The following USP53 variants were observed in gnomAD, a reference collection of about 807,000 sequenced individuals.
The protein encoded by USP53 is ubiquitin carboxyl-terminal hydrolase 53.
In USP53, 71 loss-of-function variants were observed where a neutral mutation model predicts 94.9. The ratio of observed to expected loss-of-function variants is 0.75; its 90% CI spans 0.62 to 0.91. The LOEUF (loss-of-function observed/expected upper bound fraction) is 0.91, where lower values mean the gene tolerates loss of function less well. Ranked by LOEUF, USP53 falls within the 40% of genes least tolerant of loss-of-function variation. The pLI is 0.00. For synonymous variants in USP53, 375 were observed against 422.7 expected (o/e 0.89, Z 1.39); for missense variants, 1,173 against 1,281.0 (o/e 0.92, Z 1.29).
chr4:119,226,996 C>T lies in USP53; in HGVS notation c.-664-8294C>T, dbSNP rs536527067. On this transcript the variant is annotated intron_variant, in intron 3 of 18. Transcript: ENST00000692078. ...CTATATAGGCATGTGCCACCATGCC[C>T]AGCTAATTTTTGTACTTTTGTAGAT... Among the ~76,000 whole-genome samples the T allele has an allele frequency of 1.8e-4, 28 of 151,834 alleles. No individual in the cohort carries two copies. In the East Asian group the frequency reaches 5.2e-3, roughly 28 times the overall value.
intron 7 of USP53, among the ~76,000 whole-genome samples, chr4:119,250,215 C>T (rs1203531926): frequency 6.6e-6 from 1 of 152,066 alleles, no homozygotes; most frequent in Non-Finnish European, 1.5e-5. Context: ...GTTCTACTAG[C>T]AGCCTTTGCT....
At chr4:119,273,757 G>C in intron 17 of USP53, 49 bp downstream of exon 17, 2 of 1,449,158 alleles carry the variant, frequency 1.4e-6, no homozygotes, top group Non-Finnish European at 1.9e-6. Context: ...ATGAATTATA[G>C]TAATTTATTG....
intron 16 of USP53, 37 bp from the exon 17 acceptor site, chr4:119,273,595 A>T: frequency 1.3e-6 from 2 of 1,536,324 alleles, no homozygotes; most frequent in Non-Finnish European, 1.8e-6. Context: ...GGCAGTCCAT[A>T]ATACCTGATG....
At chr4:119,282,508 G>A (rs1753619813) in intron 17 of USP53, among the ~76,000 whole-genome samples, 1 of 151,976 alleles carries the variant, frequency 6.6e-6, no homozygotes, top group Admixed American at 6.6e-5. Context: ...GTATCATATT[G>A]TGGTTTTGTG....
chr4:119,252,606 A>G lies in USP53; in HGVS notation c.373-3640A>G, dbSNP rs568720044. 2.6e-5 allele frequency among the ~76,000 whole-genome samples: 4 copies of G among 152,048 alleles called. No individual in the cohort carries two copies. The East Asian group carries it at 7.7e-4, about 29-fold the overall frequency. Reference sequence around the variant, plus strand: ...CCCTTTATGATTTTTTATTGCATTTATTTGATTCTGCTCTCTTTTCTTCTT... The same window carrying G: ...CCCTTTATGATTTTTTATTGCATTTGTTTGATTCTGCTCTCTTTTCTTCTT... On this transcript the variant is annotated intron_variant, in intron 7 of 18. Coordinates refer to ENST00000692078, the MANE Select transcript of USP53 (RefSeq NM_001371395.1).
chr4:119,273,636 C>T lies in USP53; in HGVS notation c.2179C>T (p.Gln727Ter). 1 of 1,612,044 alleles carries T rather than the reference C, an allele frequency of 6.2e-7. No homozygotes were observed. The highest frequency in any genetic ancestry group is 2.2e-5 in the East Asian group (1 of 44,728). ...GVKETVCFSD[Q>*]ITTSNLNKER... is the part of the protein sequence containing the mutation. ...AGTGTGTATTTTATTTTCTAGTGAC[C>T]AGATTACGACAAGCAACCTAAATAA... Residue 727 changes from glutamine to a stop codon, truncating the protein, a stop_gained, in exon 17 of 19, where the codon CAG (glutamine) becomes TAG (stop). Transcript: ENST00000692078. LOFTEE classifies it high-confidence loss of function.
intron 17 of USP53, among the ~76,000 whole-genome samples, chr4:119,279,463 G>C (rs187392552): frequency 0.21 from 31,106 of 147,764 alleles, 3,648 homozygotes; most frequent in South Asian, 0.3. Context: ...CCGGTTCTCA[G>C]ATCTCCAGCT....
intron 9 of USP53, among the ~76,000 whole-genome samples, chr4:119,258,074 A>G (rs951350164): frequency 2.0e-5 from 3 of 152,146 alleles, no homozygotes; most frequent in African/African-American, 4.8e-5. Flanking sequence ...AATGCTTACC[A>G]TGTTCCAGGC....
chr4:119,259,295 A>AGGG (rs965171704), intron 9 of USP53, among the ~76,000 whole-genome samples: 24 of 133,596 alleles, frequency 1.8e-4, no homozygotes, highest in African/African-American at 3.1e-4. Flanking sequence ...AAAAAAAAAA[A>AGGG]GGGGGGGGAG....
chr4:119,245,410 G>A lies in USP53; in HGVS notation c.218G>A (p.Cys73Tyr), dbSNP rs1223363745. The change falls in exon 6 of 19, where the codon TGT becomes TAT. Residue 73 changes from cysteine to tyrosine, a missense_variant. Cys to Tyr is a radical substitution (Grantham distance 194). Transcript: ENST00000692078. ...LTGHVCQGDA[C>Y]IFCALKTIFA... ...GGACATGTTTGTCAGGGAGATGCCT[G>A]TATATTTTGTGCATTGAAGGTAACC... 1.2e-6 allele frequency: 2 copies of A among 1,613,684 alleles called. No individual in the cohort carries two copies. Among genetic ancestry groups the A allele is most frequent in the East Asian group, 2.2e-5 (1 of 44,840 alleles).
At chr4:119,250,400 A>G (rs181558138) in intron 7 of USP53, among the ~76,000 whole-genome samples, 23 of 152,344 alleles carry the variant, frequency 1.5e-4, no homozygotes, top group Non-Finnish European at 2.1e-4. Context: ...AAAAATGAGC[A>G]TCTTCATGGT....
chr4:119,263,047 A>G (rs1049066759), intron 12 of USP53, among the ~76,000 whole-genome samples: 2 of 152,232 alleles, frequency 1.3e-5, no homozygotes, highest in Non-Finnish European at 2.9e-5. Context: ...TAAGCAAATG[A>G]TGTAGAATTC....
At position 119,292,650 on chromosome 4, in the gene USP53, T is replaced by C. The variant is rs1318431688; in HGVS notation, c.2661T>C (p.Asp887=). 6.2e-7 allele frequency: 1 copy of C among 1,614,118 alleles called. No individual in the cohort carries two copies. Among genetic ancestry groups the C allele is most frequent in the Admixed American group, 1.7e-5 (1 of 60,018 alleles). The part of the protein sequence containing the change: ...APLIQQQNIM[D]QCYFENSLST... ...TCATCCAGCAACAAAATATCATGGA[T>C]CAATGTTACTTTGAGAACTCTCTAT... Residue 887 remains aspartate (D), a synonymous_variant, in exon 19 of 19, where the codon GAT becomes GAC. Coordinates refer to ENST00000692078, the MANE Select transcript of USP53 (RefSeq NM_001371395.1).
At chr4:119,244,106 A>G (rs1329357837) in intron 5 of USP53, among the ~76,000 whole-genome samples, 1 of 152,196 alleles carries the variant, frequency 6.6e-6, no homozygotes, top group East Asian at 1.9e-4. Flanking sequence ...TCAGTGGTAC[A>G]TTGCTTCTAA....
At chr4:119,268,152 C>T (rs1202825684) in intron 13 of USP53, 116 bp from the exon 14 acceptor site, 38 of 1,020,104 alleles carry the variant, frequency 3.7e-5, no homozygotes, top group African/African-American at 5.6e-5. Flanking sequence ...CCGGCCTGGG[C>T]GACAGAGCGA....
chr4:119,215,478 C>A (rs930961842), intron 2 of USP53, among the ~76,000 whole-genome samples: 3 of 152,000 alleles, frequency 2.0e-5, no homozygotes, highest in African/African-American at 7.3e-5. Context: ...AATATTTAGG[C>A]AAATAATATT....
chr4:119,267,384 TG>T lies in USP53; in HGVS notation c.1038del (p.Leu346PhefsTer39). On this transcript the variant is annotated frameshift_variant, in exon 13 of 19. Transcript: ENST00000692078. LOFTEE classifies it high-confidence loss of function. ...CGATGCCACTTTCAGCCACTACTTT[TG>T]TTTTATGCAAACCCAGATGGCACAG... is the stretch of plus-strand genomic sequence containing the variant. ...CIRCHFQPLL[L>X]FYANPDGTAV... 1.2e-6 allele frequency: 2 copies of T among 1,614,186 alleles called. No homozygotes were observed. Among genetic ancestry groups the T allele is most frequent in the Non-Finnish European group, 1.7e-6 (2 of 1,180,018 alleles).
intron 2 of USP53, among the ~76,000 whole-genome samples, chr4:119,215,025 A>G (rs1222980175): frequency 6.6e-6 from 1 of 152,180 alleles, no homozygotes; most frequent in East Asian, 1.9e-4. Flanking sequence ...CTTTAACTGT[A>G]AGGTATTTCT....
chr4:119,214,054 T>C lies in USP53; in HGVS notation c.-941-16T>C, dbSNP rs1016430215. 2 of 151,938 alleles carry C rather than the reference T, an allele frequency of 1.3e-5. No individual in the cohort carries two copies. Among genetic ancestry groups the C allele is most frequent in the African/African-American group, 4.8e-5 (2 of 41,358 alleles). 9.4% of individuals were successfully genotyped at this position (151,938 alleles called of 1,614,324 possible). On this transcript the variant is annotated splice_polypyrimidine_tract_variant and intron_variant, in intron 1 of 18. Coordinates refer to ENST00000692078, the MANE Select transcript of USP53 (RefSeq NM_001371395.1). ...TTTTAGTTACATTGATAATTGTTAT[T>C]TTCTGTTCTTTTCAGTTCCGTGATG...
Sources: allele counts gnomAD v4.1 joint callset (sites outside exome capture counted in the v4.1 genomes callset), GRCh38; gene constraint gnomAD v4.1.1; transcripts MANE v1.5; gene names NCBI Gene and HGNC (gene_info 2026-07-23, HGNC 2026-07-21).